PCDHGA2: variants seen among roughly 807,000 people sequenced by gnomAD.
PCDHGA2 encodes protocadherin gamma-A2.
In PCDHGA2, 40 loss-of-function variants were observed where a neutral mutation model predicts 59.2. That is an observed-to-expected ratio of 0.68 (90% CI 0.52 to 0.88). The LOEUF is 0.88. Ranked by LOEUF, PCDHGA2 falls within the 40% of genes least tolerant of loss-of-function variation. PCDHGA2 has a pLI of 0.00. For missense variants in PCDHGA2, 1,226 were observed against 1,204.0 expected (o/e 1.02, Z -0.27); for synonymous variants, 560 against 526.0 (o/e 1.06, Z -0.89).
chr5:141,387,347 T>C (rs1213698437), intron 1 of PCDHGA2, among the ~76,000 whole-genome samples: 1 of 152,152 alleles, frequency 6.6e-6, no homozygotes. Flanking sequence ...TCTGAGACGG[T>C]TTAGGCCAAG....
At position 141,431,612 on chromosome 5, in the gene PCDHGA2, G is replaced by A. The variant is rs79883194; in HGVS notation, c.2425-63195G>A. 1.9e-6 allele frequency: 3 copies of A among 1,614,126 alleles called. No homozygotes were observed. The highest frequency in any genetic ancestry group is 2.5e-6 in the Non-Finnish European group (3 of 1,180,052). ...AGTGAGGTATTCCTTCCGGTATGTG[G>A]ACGACAAGGCGGCCCAAGTTTTCAA... On this transcript the variant is annotated intron_variant, in intron 1 of 3. Coordinates refer to ENST00000394576, the MANE Select transcript of PCDHGA2 (RefSeq NM_018915.4). This position sits in a 1 kb window ranked among gnomAD's most constrained non-coding sequence, Gnocchi z 4.8.
intron 1 of PCDHGA2, chr5:141,478,619 A>G: frequency 6.4e-7 from 1 of 1,555,598 alleles, no homozygotes; most frequent in Non-Finnish European, 8.7e-7. Context: ...GAAGGAATGG[A>G]GCTGTTTTTT....
chr5:141,362,099 C>T, intron 1 of PCDHGA2: 1 of 1,613,886 alleles, frequency 6.2e-7, no homozygotes, highest in South Asian at 1.1e-5. Context: ...CCGCCACTCT[C>T]CGCTACGGCC....
intron 1 of PCDHGA2, among the ~76,000 whole-genome samples, chr5:141,455,407 A>T (rs1273781307): frequency 1.3e-5 from 2 of 152,174 alleles, no homozygotes; most frequent in Non-Finnish European, 2.9e-5. Context: ...TTACAGAGAC[A>T]GAGGGAGCGG....
At chr5:141,396,955 C>T (rs1476582665) in intron 1 of PCDHGA2, among the ~76,000 whole-genome samples, 2 of 152,156 alleles carry the variant, frequency 1.3e-5, no homozygotes, top group Non-Finnish European at 2.9e-5. Context: ...AAAGAAAATC[C>T]TTACTCTCCC....
chr5:141,470,297 T>A (rs2099227289), intron 1 of PCDHGA2, among the ~76,000 whole-genome samples: 2 of 152,348 alleles, frequency 1.3e-5, no homozygotes, highest in Admixed American at 1.3e-4. Flanking sequence ...TAACTGTTTT[T>A]ATTCCATTTT....
intron 1 of PCDHGA2, chr5:141,384,940 T>C: frequency 6.2e-7 from 1 of 1,613,942 alleles, no homozygotes; most frequent in Non-Finnish European, 8.5e-7. Flanking sequence ...CCTTGAGCCC[T>C]CCGACGGTCC....
intron 1 of PCDHGA2, among the ~76,000 whole-genome samples, chr5:141,381,121 T>C (rs1490532443): frequency 6.6e-6 from 1 of 152,260 alleles, no homozygotes; most frequent in East Asian, 1.9e-4. Context: ...TTCCCTGTAT[T>C]CTGGAGCAAT....
intron 1 of PCDHGA2, among the ~76,000 whole-genome samples, chr5:141,446,764 G>A (rs2098514605): frequency 6.6e-6 from 1 of 152,214 alleles, no homozygotes; most frequent in Non-Finnish European, 1.5e-5. Context: ...ACCGCGCCCA[G>A]CCGGTTACCA....
At chr5:141,401,726 A>T (rs943909540) in intron 1 of PCDHGA2, among the ~76,000 whole-genome samples, 1 of 152,186 alleles carries the variant, frequency 6.6e-6, no homozygotes, top group African/African-American at 2.4e-5. Context: ...AAAAACTACT[A>T]GTCTTGTGTA....
chr5:141,426,559 C>T (rs1401963895), intron 1 of PCDHGA2: 1 of 353,038 alleles, frequency 2.8e-6, no homozygotes, highest in Non-Finnish European at 5.6e-6. Context: ...CAGAATAGAT[C>T]GAGAGTCACT....
At chr5:141,401,059 G>T (rs1418485253) in intron 1 of PCDHGA2, among the ~76,000 whole-genome samples, 2 of 152,082 alleles carry the variant, frequency 1.3e-5, no homozygotes, top group Non-Finnish European at 2.9e-5. Flanking sequence ...AATACTATAT[G>T]TTGGCTGGGT....
chr5:141,403,052 T>G (rs1336291522), intron 1 of PCDHGA2: 4 of 1,614,066 alleles, frequency 2.5e-6, no homozygotes, highest in Admixed American at 1.7e-5. Context: ...GATTCGCTAC[T>G]CAGTGCCTGA....
chr5:141,350,695 C>G (rs570147190), intron 1 of PCDHGA2: 2 of 1,613,816 alleles, frequency 1.2e-6, no homozygotes, highest in African/African-American at 1.3e-5. Flanking sequence ...CAGCCTTACC[C>G]GGGGTAAAAT....
chr5:141,344,994 G>T, intron 1 of PCDHGA2: 1 of 1,613,936 alleles, frequency 6.2e-7, no homozygotes, highest in Non-Finnish European at 8.5e-7. Flanking sequence ...TAAAATTGAA[G>T]CACAGGATGG....
At chr5:141,383,391 G>A (rs764733462) in intron 1 of PCDHGA2, 7 of 1,613,978 alleles carry the variant, frequency 4.3e-6, no homozygotes. Context: ...ATGTGGGCAC[G>A]AACTCCCTCC....
chr5:141,355,780 C>G (rs766045044), intron 1 of PCDHGA2: 22 of 1,613,712 alleles, frequency 1.4e-5, no homozygotes, highest in Non-Finnish European at 1.9e-5. Context: ...GTACCCAGAG[C>G]TGGTGCTGGA....
chr5:141,437,037 A>G (rs1410732155), intron 1 of PCDHGA2, among the ~76,000 whole-genome samples: 2 of 152,264 alleles, frequency 1.3e-5, no homozygotes, highest in Admixed American at 1.3e-4. Flanking sequence ...TGGATCACCG[A>G]AACCAGAAGG....
chr5:141,403,049 T>C (rs368917303), intron 1 of PCDHGA2: 2 of 1,613,938 alleles, frequency 1.2e-6, no homozygotes, highest in Non-Finnish European at 1.7e-6. Flanking sequence ...TCAGATTCGC[T>C]ACTCAGTGCC....
Sources: allele counts gnomAD v4.1 joint callset (sites outside exome capture counted in the v4.1 genomes callset), GRCh38; gene constraint gnomAD v4.1.1; non-coding constraint Gnocchi (gnomAD v3.1); transcripts MANE v1.5; gene names NCBI Gene and HGNC (gene_info 2026-07-23, HGNC 2026-07-21).